Variants in PKHD1 observed in about 807,000 individuals in gnomAD.
PKHD1 encodes the protein PKHD1 ciliary IPT domain containing fibrocystin/polyductin.
In PKHD1, 291 loss-of-function variants were observed where a neutral mutation model predicts 412.0. That is an observed-to-expected ratio of 0.71 (90% CI 0.64 to 0.78). PKHD1 has a LOEUF of 0.78. Among genes scored for constraint, PKHD1 ranks in the 30% least tolerant of loss-of-function variants. The pLI is 0.00. For missense variants in PKHD1, 4,825 were observed against 4,950.7 expected (o/e 0.97, Z 0.76); for synonymous variants, 1,777 against 1,821.5 (o/e 0.98, Z 0.62).
In PKHD1 at chr6:51,747,844, C is replaced by G; in HGVS notation, c.9772G>C (p.Glu3258Gln). 1 of 1,613,796 alleles carries G rather than the reference C, an allele frequency of 6.2e-7. No homozygotes were observed. The highest frequency in any genetic ancestry group is 8.5e-7 in the Non-Finnish European group (1 of 1,179,790). ...TCATTCCTCACTTTGTGCCATGGCTCCTGAGGCCACTGATTTGGTTCTGAG... is the reference window on the plus strand; with the variant it reads ...TCATTCCTCACTTTGTGCCATGGCTGCTGAGGCCACTGATTTGGTTCTGAG... The part of the protein sequence containing the change: ...FTSEPNQWPQ[E>Q]PWHKVRNDHS... The change falls in exon 58 of 67, where the codon GAG becomes CAG. Residue 3258 changes from glutamate to glutamine, a missense_variant. By Grantham distance (29) the Glu-to-Gln change is conservative. Transcript: ENST00000371117.
intron 53 of PKHD1, among the ~76,000 whole-genome samples, chr6:51,779,936 G>A (rs999572080): frequency 1.3e-5 from 2 of 152,098 alleles, no homozygotes; most frequent in African/African-American, 4.8e-5. Flanking sequence ...CTGATCATAT[G>A]ATGATGATAA....
intron 35 of PKHD1, among the ~76,000 whole-genome samples, chr6:51,982,417 G>T (rs1365714109): frequency 7.3e-6 from 1 of 136,916 alleles, no homozygotes; most frequent in African/African-American, 2.6e-5. Flanking sequence ...TGCCGGGTTT[G>T]TGTGGATAGA....
intron 51 of PKHD1, among the ~76,000 whole-genome samples, chr6:51,832,713 G>T (rs1768478719): frequency 6.6e-6 from 1 of 152,096 alleles, no homozygotes; most frequent in South Asian, 2.1e-4. Context: ...GAGGGTGGTT[G>T]TAATAGCTCC....
chr6:52,056,138 C>T (rs556971884), intron 18 of PKHD1, among the ~76,000 whole-genome samples: 2 of 152,286 alleles, frequency 1.3e-5, no homozygotes, highest in African/African-American at 2.4e-5. Flanking sequence ...CTATAAGAAA[C>T]TCATTCTGTG....
chr6:51,742,741 G>T lies in PKHD1; in HGVS notation c.10156+1644C>A, dbSNP rs1396833823. On this transcript the variant is annotated intron_variant, in intron 60 of 66. Coordinates refer to ENST00000371117, the MANE Select transcript of PKHD1 (RefSeq NM_138694.4). The stretch of plus-strand genomic sequence containing the variant: ...CTCATGAAGTTTGTGTTCTAAAAAG[G>T]ATAAACAGTACATTAACATAAGCAA... Among the ~76,000 whole-genome samples the T allele has an allele frequency of 2.6e-5, 4 of 152,004 alleles. No individual in the cohort carries two copies. In the East Asian group the frequency reaches 7.7e-4, roughly 29 times the overall value.
chr6:51,983,555 C>T (rs920588811), intron 35 of PKHD1, among the ~76,000 whole-genome samples: 1 of 152,142 alleles, frequency 6.6e-6, no homozygotes, highest in African/African-American at 2.4e-5. Context: ...AAGGACAAAG[C>T]AAATTAAGGG....
intron 35 of PKHD1, among the ~76,000 whole-genome samples, chr6:51,996,035 T>C (rs1735732372): frequency 3.3e-5 from 5 of 151,724 alleles, no homozygotes. Context: ...AAATGGAGTC[T>C]CGCTCCGTCG....
At chr6:52,053,853 T>G (rs1479947222) in intron 20 of PKHD1, among the ~76,000 whole-genome samples, 185 bp downstream of exon 20, 2 of 152,222 alleles carry the variant, frequency 1.3e-5, no homozygotes, top group Non-Finnish European at 2.9e-5. Flanking sequence ...GGGAGTAGTA[T>G]ATTCTTAACA....
chr6:51,764,833 A>C (rs963836540), intron 55 of PKHD1, among the ~76,000 whole-genome samples: 1 of 151,874 alleles, frequency 6.6e-6, no homozygotes, highest in African/African-American at 2.4e-5. Context: ...CCTCCCAACC[A>C]CAGAATCACG....
intron 60 of PKHD1, among the ~76,000 whole-genome samples, chr6:51,693,843 T>C (rs1378698626): frequency 2.0e-5 from 3 of 152,184 alleles, no homozygotes; most frequent in Non-Finnish European, 2.9e-5. Context: ...ATCTCCACAA[T>C]AAAAAGGTAT....
intron 13 of PKHD1, 96 bp from the exon 14 acceptor site, chr6:52,062,756 A>T: frequency 6.8e-7 from 1 of 1,472,456 alleles, no homozygotes; most frequent in Non-Finnish European, 9.4e-7. Flanking sequence ...GATGACCCAG[A>T]TGCTACCTGT....
intron 60 of PKHD1, among the ~76,000 whole-genome samples, chr6:51,743,740 T>A (rs748476730): frequency 3.9e-5 from 6 of 152,168 alleles, no homozygotes; most frequent in Non-Finnish European, 4.4e-5. Context: ...GAAAAACTTC[T>A]TTACATTTGA....
At chr6:51,830,186 T>C (rs1314342116) in intron 52 of PKHD1, among the ~76,000 whole-genome samples, 2 of 152,148 alleles carry the variant, frequency 1.3e-5, no homozygotes, top group Non-Finnish European at 2.9e-5. Flanking sequence ...GGGGAAAATA[T>C]AATTGTCCTA....
intron 66 of PKHD1, 73 bp from the exon 67 acceptor site, chr6:51,619,593 G>T: frequency 1.7e-6 from 2 of 1,209,242 alleles, no homozygotes; most frequent in Non-Finnish European, 2.4e-6. Context: ...TGCATACTTA[G>T]CATTTCTGAC....
chr6:51,949,115 C>T (rs1470079045), intron 36 of PKHD1, among the ~76,000 whole-genome samples: 1 of 152,130 alleles, frequency 6.6e-6, no homozygotes. Flanking sequence ...ATCTGTATCA[C>T]CAAGCTAGAT....
At chr6:51,801,654 T>TGTGTGTGTGTGTGTGTGAGAGA (rs751203950) in intron 52 of PKHD1, among the ~76,000 whole-genome samples, 16 of 114,252 alleles carry the variant, frequency 1.4e-4, no homozygotes, top group South Asian at 5.9e-4. Flanking sequence ...TGTGTGTGTG[T>TGTGTGTGTGTGTGTGTGAGAGA]GAGAGAGAGA....
At chr6:51,647,554 C>T (rs1209019147) in intron 63 of PKHD1, among the ~76,000 whole-genome samples, 1 of 152,188 alleles carries the variant, frequency 6.6e-6, no homozygotes, top group Non-Finnish European at 1.5e-5. Flanking sequence ...GGGTCAGGTG[C>T]TTTTGCACTT....
chr6:51,964,313 G>A (rs768276997), intron 35 of PKHD1, among the ~76,000 whole-genome samples: 4 of 152,048 alleles, frequency 2.6e-5, no homozygotes, highest in Non-Finnish European at 5.9e-5. Context: ...AGGAGGTGGC[G>A]TATGGGAATC....
chr6:52,079,629 A>G (rs2128240025), intron 5 of PKHD1, among the ~76,000 whole-genome samples: 1 of 152,340 alleles, frequency 6.6e-6, no homozygotes, highest in South Asian at 2.1e-4. Context: ...CAGATTGTTC[A>G]TTTGTAAAAA....
Sources: gnomAD v4.1 joint callset for allele counts (sites outside exome capture counted in the v4.1 genomes callset) on GRCh38, gnomAD v4.1.1 for gene constraint, MANE v1.5 for transcripts, NCBI Gene and HGNC (gene_info 2026-07-23, HGNC 2026-07-21) for gene names.